The following UBL3 variants were observed in gnomAD, a reference collection of about 807,000 sequenced individuals.
The protein encoded by UBL3 is ubiquitin-like protein 3.
A neutral mutation model predicts 18.4 loss-of-function variants in UBL3; 6 were observed. That is an observed-to-expected ratio of 0.33 (90% confidence interval 0.18 to 0.64). The LOEUF (loss-of-function observed/expected upper bound fraction) is 0.64, where lower values mean the gene tolerates loss of function less well. Among genes scored for constraint, UBL3 ranks in the 30% least tolerant of loss-of-function variants. The probability of loss-of-function intolerance (pLI) is 0.76; values close to 1 mark genes in which losing one functional copy is unlikely to be tolerated. For synonymous variants in UBL3, 49 were observed against 46.6 expected, an observed-to-expected ratio of 1.05 and a Z score of -0.21; for missense variants, 109 against 142.9, an observed-to-expected ratio of 0.76 and a Z score of 1.21.
At chr13:29,836,602 C>T (rs1878968725) in intron 1 of UBL3, among the ~76,000 whole-genome samples, 2 of 151,786 alleles carry the variant, frequency 1.3e-5, no homozygotes, top group Admixed American at 1.3e-4. Context: ...TTCAATTCCC[C>T]CTTGAGGTAT....
At chr13:29,804,674 T>C (rs973298893) in intron 1 of UBL3, among the ~76,000 whole-genome samples, 12 of 152,178 alleles carry the variant, frequency 7.9e-5, no homozygotes, top group East Asian at 5.8e-4. Flanking sequence ...TTAATACTTC[T>C]ATGCACACAG....
intron 1 of UBL3, among the ~76,000 whole-genome samples, chr13:29,819,562 T>C (rs996103953): frequency 1.3e-5 from 2 of 152,234 alleles, no homozygotes; most frequent in Admixed American, 1.3e-4. Context: ...AGTTATACTT[T>C]CTGTAATAGA....
chr13:29,800,647 G>T (rs1593661018), intron 1 of UBL3, among the ~76,000 whole-genome samples: 2 of 152,180 alleles, frequency 1.3e-5, no homozygotes, highest in Non-Finnish European at 2.9e-5. Flanking sequence ...TAACTTGAAA[G>T]AATATTATGC....
rs1229266351 is a variant in UBL3, at chr13:29,849,684, A to T, written c.-146T>A. 1.9e-6 allele frequency: 2 copies of T among 1,076,070 alleles called. No individual in the cohort carries two copies. Among genetic ancestry groups the T allele is most frequent in the East Asian group, 5.1e-5 (2 of 39,066 alleles). 66.7% of individuals were successfully genotyped at this position (1,076,070 alleles called of 1,614,324 possible). On this transcript the variant is annotated 5_prime_UTR_variant, in exon 1 of 5. Transcript: ENST00000380680. ...CCAAAAATAAAGTTATTTTGGAGCC[A>T]AAGTGCCGGTCAGGCCGAGGTTCTG...
At chr13:29,847,637 C>T (rs1879260975) in intron 1 of UBL3, among the ~76,000 whole-genome samples, 1 of 152,156 alleles carries the variant, frequency 6.6e-6, no homozygotes, top group African/African-American at 2.4e-5. Context: ...TTTAATAACA[C>T]ATCTATTTCA....
In UBL3 at chr13:29,850,588, G is replaced by GGCA; in HGVS notation, c.-1051_-1050insTGC. Reference sequence around the variant, plus strand: ...CCTCTCAAACCAACATGGCGGCAGCGGCGGCGGCGGCGGCTGCCTGAGTGC... The same window carrying GGCA: ...CCTCTCAAACCAACATGGCGGCAGCGGCAGCGGCGGCGGCGGCTGCCTGAGTGC... On this transcript the variant is annotated 5_prime_UTR_variant, in exon 1 of 5. Coordinates refer to ENST00000380680, the MANE Select transcript of UBL3 (RefSeq NM_007106.4). 5 of 155,468 alleles carry GGCA rather than the reference G, an allele frequency of 3.2e-5. No individual in the cohort carries two copies. Among genetic ancestry groups the GGCA allele is most frequent in the Non-Finnish European group, 7.1e-5 (5 of 70,780 alleles). 9.6% of individuals were successfully genotyped at this position (155,468 alleles called of 1,614,324 possible).
At chr13:29,836,303 AAG>A (rs373619467) in intron 1 of UBL3, among the ~76,000 whole-genome samples, 3 of 152,234 alleles carry the variant, frequency 2.0e-5, no homozygotes, top group South Asian at 2.1e-4. Flanking sequence ...AGAAGGATAA[AAG>A]AGAGAGAGGA....
intron 1 of UBL3, among the ~76,000 whole-genome samples, chr13:29,848,889 T>A (rs1443083617): frequency 1.6e-4 from 24 of 152,238 alleles, no homozygotes; most frequent in Admixed American, 1.6e-3. Context: ...TTAATAAATA[T>A]CTGGCATTAA....
At chr13:29,802,778 C>A (rs1029040591) in intron 1 of UBL3, among the ~76,000 whole-genome samples, 1 of 152,040 alleles carries the variant, frequency 6.6e-6, no homozygotes, top group Non-Finnish European at 1.5e-5. Flanking sequence ...AAAGAATGAA[C>A]GAAACTCCTG....
chr13:29,792,535 T>C (rs547565436), intron 1 of UBL3, among the ~76,000 whole-genome samples: 1 of 152,342 alleles, frequency 6.6e-6, no homozygotes, highest in South Asian at 2.1e-4. Flanking sequence ...AAGAAAACGA[T>C]TGTTTCACAC....
intron 1 of UBL3, among the ~76,000 whole-genome samples, chr13:29,831,271 T>C (rs905009898): frequency 4.6e-5 from 7 of 152,212 alleles, no homozygotes; most frequent in African/African-American, 1.7e-4. Context: ...GACTCACAGA[T>C]TCCTATACTA....
At chr13:29,839,666 G>A (rs1419334623) in intron 1 of UBL3, among the ~76,000 whole-genome samples, 3 of 152,076 alleles carry the variant, frequency 2.0e-5, no homozygotes, top group East Asian at 1.9e-4. Context: ...AGTGGCTCAC[G>A]CCTGTAATCC....
At chr13:29,849,438 C>A in intron 1 of UBL3, 74 bp downstream of exon 1, 1 of 1,604,478 alleles carries the variant, frequency 6.2e-7, no homozygotes, top group South Asian at 1.1e-5. Context: ...CTTCGCCCCA[C>A]GCCTGCCGTC....
At chr13:29,843,199 C>T (rs1346110836) in intron 1 of UBL3, among the ~76,000 whole-genome samples, 1 of 152,048 alleles carries the variant, frequency 6.6e-6, no homozygotes, top group African/African-American at 2.4e-5. Context: ...ATACTTGAGG[C>T]ACATACCTAT....
intron 1 of UBL3, among the ~76,000 whole-genome samples, chr13:29,816,078 AT>A (rs1028948859): frequency 1.3e-5 from 2 of 152,106 alleles, no homozygotes; most frequent in East Asian, 1.9e-4. Flanking sequence ...GCTTTGTAGG[AT>A]TTTTTTCCCC....
At chr13:29,783,190 T>C (rs548905591) in intron 1 of UBL3, among the ~76,000 whole-genome samples, 1 of 152,346 alleles carries the variant, frequency 6.6e-6, no homozygotes, top group East Asian at 1.9e-4. Flanking sequence ...CTTTAATTTG[T>C]TTTGGGCTCT....
chr13:29,849,601 G>A lies in UBL3; in HGVS notation c.-63C>T. Reference sequence around the variant, plus strand: ...AACAAACAAAGAAAAAAGAGCAGAAGTCTTCACGTTACAGAAATAAACCAC... The same window carrying A: ...AACAAACAAAGAAAAAAGAGCAGAAATCTTCACGTTACAGAAATAAACCAC... On this transcript the variant is annotated 5_prime_UTR_variant, in exon 1 of 5. Coordinates refer to ENST00000380680, the MANE Select transcript of UBL3 (RefSeq NM_007106.4). 3 of 1,595,910 alleles carry A rather than the reference G, an allele frequency of 1.9e-6. No homozygotes were observed. Among genetic ancestry groups the A allele is most frequent in the Non-Finnish European group, 2.6e-6 (3 of 1,167,586 alleles).
At chr13:29,814,097 A>G (rs1450492011) in intron 1 of UBL3, among the ~76,000 whole-genome samples, 1 of 152,152 alleles carries the variant, frequency 6.6e-6, no homozygotes, top group Non-Finnish European at 1.5e-5. Context: ...CCAAGAAGAA[A>G]CAGTAGTTTT....
At chr13:29,842,134 C>CTTT (rs201006689) in intron 1 of UBL3, among the ~76,000 whole-genome samples, 24,265 of 122,962 alleles carry the variant, frequency 0.2, 2,888 homozygotes, top group East Asian at 0.27. Flanking sequence ...CATTCTCTTT[C>CTTT]TTTTTTTTTT....
Sources: allele counts gnomAD v4.1 joint callset (sites outside exome capture counted in the v4.1 genomes callset), GRCh38; gene constraint gnomAD v4.1.1; transcripts MANE v1.5; gene names NCBI Gene and HGNC (gene_info 2026-07-23, HGNC 2026-07-21).